Variants in AGBL1 observed in about 807,000 individuals in gnomAD.
The protein encoded by AGBL1 is cytosolic carboxypeptidase 4.
Under a neutral mutation model 118.9 loss-of-function variants are expected in AGBL1, and 130 were observed. The observed-to-expected ratio is 1.09, with a 90% CI of 0.95 to 1.26. The LOEUF (loss-of-function observed/expected upper bound fraction) is 1.26, where lower values mean the gene tolerates loss of function less well. Among genes scored for constraint, AGBL1 ranks in the 50% most tolerant of loss-of-function variants. The pLI, the probability that AGBL1 is intolerant of heterozygous loss-of-function variation, is 0.00. For missense variants in AGBL1, 1,584 were observed against 1,298.1 expected (o/e 1.22, Z -3.38); for synonymous variants, 555 against 478.9 (o/e 1.16, Z -2.08).
chr15:86,563,805 C>G (rs1003776412), intron 21 of AGBL1, among the ~76,000 whole-genome samples: 3 of 152,130 alleles, frequency 2.0e-5, no homozygotes, highest in African/African-American at 7.2e-5. Context: ...CTTTATGAAT[C>G]TGGGTGCTCC....
chr15:86,544,464 G>A (rs1012992013), intron 19 of AGBL1, among the ~76,000 whole-genome samples: 1 of 152,132 alleles, frequency 6.6e-6, no homozygotes, highest in Non-Finnish European at 1.5e-5. Flanking sequence ...AAAGACATAC[G>A]TGAGACTAGG....
chr15:86,792,665 G>T (rs1198033523), intron 22 of AGBL1, among the ~76,000 whole-genome samples: 2 of 152,074 alleles, frequency 1.3e-5, no homozygotes, highest in Non-Finnish European at 2.9e-5. Context: ...ATATTAGCGG[G>T]GTGTGGTGGC....
At chr15:86,574,570 A>ATTTTTTTTTT (rs776642678) in intron 21 of AGBL1, among the ~76,000 whole-genome samples, 48 of 83,790 alleles carry the variant, frequency 5.7e-4, no homozygotes, top group East Asian at 2.1e-3. Flanking sequence ...AAAAGTTTTA[A>ATTTTTTTTTT]TTTTTTTTTT....
chr15:86,113,366 C>A (rs141762258), intron 1 of AGBL1, among the ~76,000 whole-genome samples: 1 of 148,728 alleles, frequency 6.7e-6, no homozygotes, highest in Non-Finnish European at 1.5e-5. Context: ...TGGCTCACTG[C>A]AACCTCTGCC....
At chr15:86,325,747 G>C (rs1398596101) in intron 17 of AGBL1, among the ~76,000 whole-genome samples, 1 of 152,154 alleles carries the variant, frequency 6.6e-6, no homozygotes, top group African/African-American at 2.4e-5. Context: ...CACCAGACAA[G>C]GCATTGGACT....
At chr15:86,136,546 G>C (rs1412676346) in intron 1 of AGBL1, among the ~76,000 whole-genome samples, 1 of 152,154 alleles carries the variant, frequency 6.6e-6, no homozygotes, top group Non-Finnish European at 1.5e-5. Context: ...TAAAGAAAAG[G>C]AACTGGAGCT....
intron 22 of AGBL1, among the ~76,000 whole-genome samples, chr15:86,903,093 T>C (rs1365723262): frequency 6.6e-6 from 1 of 152,038 alleles, no homozygotes; most frequent in Non-Finnish European, 1.5e-5. Flanking sequence ...TTTTTTAAAG[T>C]CTATTTTCAC....
chr15:86,965,616 A>G (rs1010217388), intron 23 of AGBL1, among the ~76,000 whole-genome samples: 5 of 151,668 alleles, frequency 3.3e-5, no homozygotes, highest in Non-Finnish European at 5.9e-5. Flanking sequence ...CTTTCCATCA[A>G]TGATAGACTG....
At chr15:86,558,006 C>T (rs1384641804) in intron 21 of AGBL1, among the ~76,000 whole-genome samples, 3 of 152,040 alleles carry the variant, frequency 2.0e-5, no homozygotes, top group Non-Finnish European at 4.4e-5. Flanking sequence ...GAAGGAAAGA[C>T]ACAAGAATGC....
At chr15:86,456,166 G>A (rs2082256285) in intron 18 of AGBL1, among the ~76,000 whole-genome samples, 1 of 152,082 alleles carries the variant, frequency 6.6e-6, no homozygotes, top group East Asian at 1.9e-4. Flanking sequence ...ATAACAACAA[G>A]CAAAACAATG....
intron 8 of AGBL1, 108 bp from the exon 9 acceptor site, chr15:86,257,856 C>A (rs1452186399): frequency 9.5e-7 from 1 of 1,056,656 alleles, no homozygotes. Context: ...TATTGGGCCC[C>A]TTATTTGAGA....
chr15:87,025,092 C>G (rs929113330), intron 24 of AGBL1, among the ~76,000 whole-genome samples: 4 of 152,014 alleles, frequency 2.6e-5, no homozygotes, highest in Non-Finnish European at 4.4e-5. Context: ...GCCACTCTCA[C>G]CACTCCTCTT....
At chr15:86,661,743 G>A (rs1172363010) in intron 21 of AGBL1, among the ~76,000 whole-genome samples, 3 of 152,044 alleles carry the variant, frequency 2.0e-5, no homozygotes, top group African/African-American at 7.2e-5. Context: ...GCTGGGAGAT[G>A]GTGCTAAGCA....
intron 24 of AGBL1, among the ~76,000 whole-genome samples, chr15:86,989,828 T>C (rs1376952105): frequency 6.6e-6 from 1 of 152,192 alleles, no homozygotes. Flanking sequence ...GAAAATGAGC[T>C]ATATGGACAC....
chr15:86,583,544 G>A (rs1036458885), intron 21 of AGBL1, among the ~76,000 whole-genome samples: 1 of 152,128 alleles, frequency 6.6e-6, no homozygotes, highest in African/African-American at 2.4e-5. Context: ...GTATTCAATG[G>A]TGTATATATG....
intron 19 of AGBL1, among the ~76,000 whole-genome samples, chr15:86,524,749 G>T (rs185575519): frequency 1.3e-5 from 2 of 152,282 alleles, no homozygotes; most frequent in Admixed American, 1.3e-4. Context: ...AGAGTGTGAA[G>T]TTTATTTCCT....
chr15:86,526,895 G>C (rs746893277), intron 19 of AGBL1, among the ~76,000 whole-genome samples: 2 of 151,870 alleles, frequency 1.3e-5, no homozygotes, highest in Non-Finnish European at 2.9e-5. Context: ...TTACCTGTTG[G>C]GTACAATGTA....
At chr15:86,307,185 A>G (rs1446223935) in intron 17 of AGBL1, among the ~76,000 whole-genome samples, 3 of 152,090 alleles carry the variant, frequency 2.0e-5, no homozygotes, top group Non-Finnish European at 4.4e-5. Context: ...GGTGGTCCAT[A>G]TTTTAAAATG....
At chr15:86,089,432 G>A (rs1342944753) in intron 1 of AGBL1, among the ~76,000 whole-genome samples, 1 of 152,176 alleles carries the variant, frequency 6.6e-6, no homozygotes, top group African/African-American at 2.4e-5. Context: ...GTTTAGAGAA[G>A]AGTTCTTTCT....
Sources: allele counts gnomAD v4.1 joint callset (sites outside exome capture counted in the v4.1 genomes callset), GRCh38; gene constraint gnomAD v4.1.1; transcripts MANE v1.5; gene names NCBI Gene and HGNC (gene_info 2026-07-23, HGNC 2026-07-21).